The following TMEFF2 variants were observed in gnomAD, a reference collection of about 807,000 sequenced individuals.
TMEFF2 encodes tomoregulin-2.
TMEFF2 carries 28 observed loss-of-function variants against 53.8 expected under a neutral mutation model. The observed-to-expected ratio is 0.52, with a 90% CI of 0.39 to 0.71. The LOEUF (loss-of-function observed/expected upper bound fraction) is 0.71. Ranked by LOEUF, TMEFF2 falls within the 30% of genes least tolerant of loss-of-function variation. The pLI is 0.00. For missense variants in TMEFF2, 353 were observed against 455.2 expected (o/e 0.78, Z 2.04); for synonymous variants, 162 against 166.3 (o/e 0.97, Z 0.20).
intron 4 of TMEFF2, among the ~76,000 whole-genome samples, chr2:192,141,147 C>T (rs1019091695): frequency 2.6e-5 from 4 of 151,970 alleles, no homozygotes; most frequent in African/African-American, 9.7e-5. Flanking sequence ...GCTGTTAGAA[C>T]TGTAGGAATA....
Position 192,110,276 on chromosome 2 carries a change from T to C in TMEFF2, c.440-52501A>G, listed in dbSNP as rs114551366. On this transcript the variant is annotated intron_variant, in intron 4 of 9. Coordinates refer to ENST00000272771, the MANE Select transcript of TMEFF2 (RefSeq NM_016192.4). ...ACTGGATTTCATAACCCAGAGGTCA[T>C]TGGTGACTTTACAAAGAGTTATTTA... 6.7e-3 allele frequency among the ~76,000 whole-genome samples: 1,016 copies of C among 152,206 alleles called. 11 individuals are homozygous for C. Among genetic ancestry groups the C allele is most frequent in the African/African-American group, 0.023 (957 of 41,528 alleles).
intron 4 of TMEFF2, among the ~76,000 whole-genome samples, chr2:192,083,992 T>C (rs1688611283): frequency 6.6e-6 from 1 of 152,112 alleles, no homozygotes; most frequent in Non-Finnish European, 1.5e-5. Flanking sequence ...ACTAGAATCA[T>C]TGTTACCATT....
intron 7 of TMEFF2, among the ~76,000 whole-genome samples, chr2:191,988,702 T>G (rs1036691284): frequency 3.3e-5 from 5 of 152,188 alleles, no homozygotes; most frequent in African/African-American, 1.2e-4. Context: ...TAAATGAAAT[T>G]TTTAAAGACA....
chr2:192,062,311 G>A (rs1008964346), intron 4 of TMEFF2, among the ~76,000 whole-genome samples: 1 of 152,118 alleles, frequency 6.6e-6, no homozygotes, highest in Non-Finnish European at 1.5e-5. Context: ...ATTAATTCAG[G>A]TAGTTGCATG....
At chr2:191,989,597 A>G (rs1396442753) in intron 7 of TMEFF2, among the ~76,000 whole-genome samples, 1 of 152,166 alleles carries the variant, frequency 6.6e-6, no homozygotes, top group East Asian at 1.9e-4. Flanking sequence ...GTCTGTGAAC[A>G]TTAACATTTC....
chr2:192,184,276 G>T (rs1411562773), intron 3 of TMEFF2, 78 bp downstream of exon 3: 1 of 1,529,862 alleles, frequency 6.5e-7, no homozygotes. Flanking sequence ...TATTTATTGG[G>T]AGATAACAAG....
At chr2:191,986,859 G>GAAA (rs35061261) in intron 7 of TMEFF2, among the ~76,000 whole-genome samples, 5 of 76,512 alleles carry the variant, frequency 6.5e-5, no homozygotes, top group Admixed American at 1.6e-4. Context: ...CTCCGTCTCA[G>GAAA]AAAAAAAAAA....
intron 4 of TMEFF2, among the ~76,000 whole-genome samples, chr2:192,120,088 G>T (rs1033797001): frequency 6.6e-6 from 1 of 152,132 alleles, no homozygotes; most frequent in Non-Finnish European, 1.5e-5. Flanking sequence ...TTTCCTATGG[G>T]TCAAGGCTCA....
At chr2:192,035,993 G>A (rs1015456453) in intron 5 of TMEFF2, 2 of 152,156 alleles carry the variant, frequency 1.3e-5, no homozygotes, top group Non-Finnish European at 2.9e-5. Flanking sequence ...CCATGAACTC[G>A]ATGTGCTCAT....
intron 4 of TMEFF2, among the ~76,000 whole-genome samples, chr2:192,065,945 G>T (rs548491080): frequency 6.6e-6 from 1 of 151,690 alleles, no homozygotes; most frequent in Non-Finnish European, 1.5e-5. Context: ...CCACATGTGA[G>T]TAAGTTGTAT....
intron 4 of TMEFF2, among the ~76,000 whole-genome samples, chr2:192,061,992 C>T (rs1011105350): frequency 6.6e-6 from 1 of 152,106 alleles, no homozygotes; most frequent in African/African-American, 2.4e-5. Flanking sequence ...AACCATGAGT[C>T]AGAATAAACT....
chr2:192,098,923 A>G (rs1688974472), intron 4 of TMEFF2, among the ~76,000 whole-genome samples: 1 of 152,218 alleles, frequency 6.6e-6, no homozygotes, highest in Non-Finnish European at 1.5e-5. Context: ...CTTCAGTTAT[A>G]GAAACCAGGC....
intron 4 of TMEFF2, among the ~76,000 whole-genome samples, chr2:192,160,421 T>A (rs908684570): frequency 1.3e-5 from 2 of 152,202 alleles, no homozygotes; most frequent in East Asian, 3.9e-4. Flanking sequence ...ATTAGAAAAT[T>A]TGGCTTCTGG....
At chr2:191,979,856 C>T (rs184976388) in intron 7 of TMEFF2, among the ~76,000 whole-genome samples, 3 of 150,792 alleles carry the variant, frequency 2.0e-5, no homozygotes, top group Non-Finnish European at 2.9e-5. Flanking sequence ...ATCTATCTAT[C>T]GATCTATCTA....
At chr2:192,098,502 C>T (rs563493257) in intron 4 of TMEFF2, among the ~76,000 whole-genome samples, 6 of 152,270 alleles carry the variant, frequency 3.9e-5, no homozygotes, top group East Asian at 1.9e-4. Flanking sequence ...TGCCAGTAGA[C>T]GTTTCCTGAT....
chr2:192,075,318 T>TAA (rs1559115196), intron 4 of TMEFF2, among the ~76,000 whole-genome samples: 1,783 of 85,608 alleles, frequency 0.021, 160 homozygotes, highest in African/African-American at 0.075. Context: ...TATATATATA[T>TAA]ATATATATAT....
chr2:191,974,297 CTATGATTGCCTTCTTCTTTCAGTT>C (rs1692738398), intron 7 of TMEFF2, among the ~76,000 whole-genome samples: 1 of 151,966 alleles, frequency 6.6e-6, no homozygotes, highest in South Asian at 2.1e-4. Context: ...GGAGAGATTC[CTATGATTGCCTTCTTCTTTCAGTT>C]GAGTCTGTAG....
chr2:191,964,275 T>TTTC (rs1203747035), intron 7 of TMEFF2, among the ~76,000 whole-genome samples: 28 of 146,620 alleles, frequency 1.9e-4, no homozygotes, highest in African/African-American at 6.5e-4. Flanking sequence ...TTTTCTTTTT[T>TTTC]CTTTTCCTTT....
intron 1 of TMEFF2, among the ~76,000 whole-genome samples, chr2:192,192,487 A>C (rs1691487145): frequency 1.3e-5 from 2 of 152,162 alleles, no homozygotes; most frequent in African/African-American, 4.8e-5. Flanking sequence ...ACAAAGCCTC[A>C]ATAATAAAGA....
Sources: allele counts gnomAD v4.1 joint callset (sites outside exome capture counted in the v4.1 genomes callset), GRCh38; gene constraint gnomAD v4.1.1; transcripts MANE v1.5; gene names NCBI Gene and HGNC (gene_info 2026-07-23, HGNC 2026-07-21).